TARS3: variants seen among roughly 807,000 people sequenced by gnomAD.
TARS3 encodes the protein threonyl-tRNA synthetase 3.
TARS3 carries 94 observed loss-of-function variants against 103.5 expected under a neutral mutation model. The observed-to-expected ratio is 0.91, with a 90% CI of 0.77 to 1.08. The LOEUF (loss-of-function observed/expected upper bound fraction) is 1.08, where lower values mean the gene tolerates loss of function less well. Among genes scored for constraint, TARS3 ranks in the 50% least tolerant of loss-of-function variants. The pLI, the probability that TARS3 is intolerant of heterozygous loss-of-function variation, is 0.00. For synonymous variants in TARS3, 416 were observed against 355.4 expected (o/e 1.17, Z -1.92); for missense variants, 952 against 995.2 (o/e 0.96, Z 0.58).
intron 18 of TARS3, among the ~76,000 whole-genome samples, chr15:101,655,271 G>C (rs539266550): frequency 4.8e-4 from 66 of 136,786 alleles, no homozygotes; most frequent in Admixed American, 1.6e-3. Context: ...GCTCTTACAG[G>C]CTCACAGTGA....
Position 101,721,182 on chromosome 15 carries a change from T to C in TARS3, c.510A>G (p.Gln170=). 6.2e-7 allele frequency: 1 copy of C among 1,613,108 alleles called. No homozygotes were observed. The highest frequency in any genetic ancestry group is 8.5e-7 in the Non-Finnish European group (1 of 1,179,122). ...TTTTCCAGACTTCCCCTTGCACTGTTTGCCCATCAGCCACTCTTACTGTGA... is the reference window on the plus strand; with the variant it reads ...TTTTCCAGACTTCCCCTTGCACTGTCTGCCCATCAGCCACTCTTACTGTGA... ...NIITVRVADG[Q]TVQGEVWKTT... Residue 170 remains glutamine (Q), a synonymous_variant, in exon 3 of 19, where the codon CAA becomes CAG. Coordinates refer to ENST00000335968, the MANE Select transcript of TARS3 (RefSeq NM_152334.3).
rs9964 is a variant in TARS3 at position 101,654,085 on chromosome 15, C to T, written c.*497G>A. ...CCTTTGTCAGTAATCCAATATTTAG[C>T]AGTAGCTGCTGCTTTTGTGGTTGTT... is the stretch of plus-strand genomic sequence containing the variant. On this transcript the variant is annotated 3_prime_UTR_variant, in exon 19 of 19. Transcript: ENST00000335968. The T allele has an allele frequency of 0.71, 108,242 of 152,790 alleles. 39,196 individuals carry two copies. The highest frequency in any genetic ancestry group is 0.77 in the African/African-American group (31,887 of 41,506). 9.5% of individuals were successfully genotyped at this position (152,790 alleles called of 1,614,324 possible). A position where few individuals can be genotyped will look rare whatever the true frequency, so the allele number is the denominator to read the frequency against.
intron 16 of TARS3, among the ~76,000 whole-genome samples, chr15:101,659,118 G>A (rs748086053): frequency 2.6e-5 from 4 of 152,138 alleles, no homozygotes; most frequent in African/African-American, 9.7e-5. Context: ...AACAACATGC[G>A]AACCTACAAT....
chr15:101,723,273 A>G, intron 1 of TARS3, 109 bp from the exon 2 acceptor site: 1 of 928,516 alleles, frequency 1.1e-6, no homozygotes, highest in Admixed American at 2.0e-5. Flanking sequence ...AGAGGCTCAT[A>G]GCTGGGCTCT....
At chr15:101,668,054 A>G (rs527450286) in intron 15 of TARS3, among the ~76,000 whole-genome samples, 22 of 152,336 alleles carry the variant, frequency 1.4e-4, no homozygotes, top group Non-Finnish European at 2.4e-4. Flanking sequence ...CATCAGCAAG[A>G]AGGCTGTTTC....
rs1362784111 is a variant in TARS3, at chr15:101,654,584, A to C, written c.2407T>G (p.Ter803GlyextTer10). Residue 803 changes from the stop codon to glycine (G), a stop_lost, in exon 19 of 19, where the codon TGA becomes GGA. Transcript: ENST00000335968. ...TRTLNAEEAF* is the reference protein window; with the variant it reads ...TRTLNAEEAFG ...GAAGCAAATATCAGGGAAGGACTTC[A>C]AAAGGCCTCCTCAGCATTGAGTGTC... is the stretch of plus-strand genomic sequence containing the variant. 1.2e-6 allele frequency: 2 copies of C among 1,608,474 alleles called. No homozygotes were observed. Among genetic ancestry groups the C allele is most frequent in the Admixed American group, 3.5e-5 (2 of 57,762 alleles).
At chr15:101,704,407 C>A (rs1007490791) in intron 7 of TARS3, among the ~76,000 whole-genome samples, 1 of 152,268 alleles carries the variant, frequency 6.6e-6, no homozygotes, top group East Asian at 1.9e-4. Flanking sequence ...GTAATCCCAG[C>A]ACTTTGGGAG....
chr15:101,689,736 C>T (rs530704110), intron 10 of TARS3, among the ~76,000 whole-genome samples: 6 of 152,328 alleles, frequency 3.9e-5, no homozygotes, highest in African/African-American at 1.4e-4. Flanking sequence ...CTTGATTTCA[C>T]ACTTCTGGCC....
At chr15:101,723,974 G>T in intron 1 of TARS3, 117 bp downstream of exon 1, 1 of 994,298 alleles carries the variant, frequency 1.0e-6, no homozygotes, top group Non-Finnish European at 1.3e-6. Context: ...CAGGGCACTG[G>T]GAGGGCACTC....
intron 15 of TARS3, among the ~76,000 whole-genome samples, chr15:101,666,286 G>A (rs1897575809): frequency 6.6e-6 from 1 of 151,918 alleles, no homozygotes; most frequent in African/African-American, 2.4e-5. Flanking sequence ...GACCAGCCTG[G>A]CCAACATGGT....
chr15:101,668,777 T>A (rs1259111200), intron 15 of TARS3, among the ~76,000 whole-genome samples: 1 of 152,226 alleles, frequency 6.6e-6, no homozygotes, highest in Non-Finnish European at 1.5e-5. Flanking sequence ...AGTAAGATTA[T>A]AATGGAGCTA....
intron 16 of TARS3, among the ~76,000 whole-genome samples, chr15:101,661,166 A>AAAAAGGACCACAAGATGCACCACTCC: frequency 2.0e-5 from 3 of 152,146 alleles, no homozygotes; most frequent in South Asian, 2.1e-4. Flanking sequence ...TGCACCACTC[A>AAAAAGGACCACAAGATGCACCACTCC]AAATTCTGCA....
At chr15:101,677,915 T>C (rs1898098370) in intron 12 of TARS3, among the ~76,000 whole-genome samples, 2 of 151,788 alleles carry the variant, frequency 1.3e-5, no homozygotes, top group South Asian at 4.2e-4. Context: ...TACAGGTGTG[T>C]GCTACCATGC....
chr15:101,675,093 T>C (rs1317631609), intron 13 of TARS3, among the ~76,000 whole-genome samples: 1 of 152,072 alleles, frequency 6.6e-6, no homozygotes, highest in Non-Finnish European at 1.5e-5. Context: ...AAAAAAGCAA[T>C]GTGATGATCT....
intron 10 of TARS3, chr15:101,699,474 G>A (rs1227564336): frequency 6.6e-6 from 3 of 455,734 alleles, no homozygotes; most frequent in Non-Finnish European, 1.3e-5. Flanking sequence ...CCACTGTAAA[G>A]GCTTTCTGTT....
At chr15:101,673,003 C>T (rs1393342203) in intron 13 of TARS3, among the ~76,000 whole-genome samples, 1 of 152,172 alleles carries the variant, frequency 6.6e-6, no homozygotes, top group East Asian at 1.9e-4. Context: ...TTGGAGGACA[C>T]AGGACAGGAG....
chr15:101,684,125 C>A lies in TARS3; in HGVS notation c.1600G>T (p.Val534Leu). 6.2e-7 allele frequency: 1 copy of A among 1,614,006 alleles called. No homozygotes were observed. Reference sequence around the variant, plus strand: ...GCATCGTCCTGCTGGAAGCGCCTCACTCTGGTCAAGCCGCTGAGAGTCCCC... The same window carrying A: ...GCATCGTCCTGCTGGAAGCGCCTCAATCTGGTCAAGCCGCTGAGAGTCCCC... ...LSGTLSGLTR[V>L]RRFQQDDAHI... Residue 534 changes from valine (V) to leucine (L), a missense_variant, in exon 12 of 19, where the codon GTG becomes TTG. This residue lies in a region of TARS3 where 540 missense variants were observed against 631.0 expected (regional missense o/e 0.86). Coordinates refer to ENST00000335968, the MANE Select transcript of TARS3 (RefSeq NM_152334.3).
intron 13 of TARS3, among the ~76,000 whole-genome samples, chr15:101,675,099 G>A (rs1426208389): frequency 6.6e-6 from 1 of 152,130 alleles, no homozygotes; most frequent in African/African-American, 2.4e-5. Context: ...GCAATGTGAT[G>A]ATCTCCTTAT....
intron 18 of TARS3, chr15:101,655,734 C>G (rs538840678): frequency 9.1e-6 from 9 of 987,960 alleles, no homozygotes; most frequent in Middle Eastern, 4.6e-4. Context: ...CAGGCTCACA[C>G]TGACCCCACC....
Sources: gnomAD v4.1 joint callset for allele counts (sites outside exome capture counted in the v4.1 genomes callset) on GRCh38, gnomAD v4.1.1 for gene constraint, gnomAD v4.1.1 regional missense constraint, MANE v1.5 for transcripts, NCBI Gene and HGNC (gene_info 2026-07-23, HGNC 2026-07-21) for gene names.